Variants in LIPC observed in about 807,000 individuals in gnomAD.
LIPC encodes hepatic triacylglycerol lipase.
Under a neutral mutation model 50.7 loss-of-function variants are expected in LIPC, and 44 were observed. The ratio of observed to expected loss-of-function variants is 0.87; its 90% CI spans 0.68 to 1.11. The LOEUF (loss-of-function observed/expected upper bound fraction) is 1.11. Among genes scored for constraint, LIPC ranks in the 50% most tolerant of loss-of-function variants. The pLI is 0.00. For missense variants in LIPC, 697 were observed against 648.2 expected (o/e 1.08, Z -0.82); for synonymous variants, 271 against 256.4 (o/e 1.06, Z -0.54).
At chr15:58,505,035 A>G (rs1301977097) in intron 1 of LIPC, among the ~76,000 whole-genome samples, 4 of 152,246 alleles carry the variant, frequency 2.6e-5, no homozygotes, top group African/African-American at 9.6e-5. Flanking sequence ...AAGCTGGAGG[A>G]ACCACCAAGG....
chr15:58,476,368 C>CATTTA (rs1275152311), intron 1 of LIPC, among the ~76,000 whole-genome samples: 3 of 152,228 alleles, frequency 2.0e-5, no homozygotes, highest in Admixed American at 1.3e-4. Context: ...TCTAATATCA[C>CATTTA]ATTTAACACA....
chr15:58,542,702 C>A, intron 4 of LIPC, 51 bp downstream of exon 4: 1 of 1,186,812 alleles, frequency 8.4e-7, no homozygotes, highest in East Asian at 2.3e-5. Flanking sequence ...TAGGGGCATC[C>A]AACAAGGACC....
At chr15:58,498,826 T>C (rs1420613423) in intron 1 of LIPC, 1 of 152,246 alleles carries the variant, frequency 6.6e-6, no homozygotes, top group Non-Finnish European at 1.5e-5. Context: ...CTTCAGCTTC[T>C]GTACTGAAAG....
At chr15:58,491,519 C>T (rs12903955) in intron 1 of LIPC, among the ~76,000 whole-genome samples, 14,194 of 152,224 alleles carry the variant, frequency 0.093, 786 homozygotes, top group Non-Finnish European at 0.13. Flanking sequence ...TAAACCAACC[C>T]TCTCCACCCT....
At chr15:58,529,008 G>C (rs1323547499) in intron 1 of LIPC, among the ~76,000 whole-genome samples, 1 of 152,134 alleles carries the variant, frequency 6.6e-6, no homozygotes, top group Non-Finnish European at 1.5e-5. Flanking sequence ...TAGATCCCTT[G>C]ACTGTGATGT....
intron 7 of LIPC, 132 bp from the exon 8 acceptor site, chr15:58,563,373 G>C (rs1028216814): frequency 1.3e-5 from 10 of 743,952 alleles, no homozygotes; most frequent in African/African-American, 5.2e-5. Context: ...ATAGTCTGTT[G>C]AACACTAGTT....
At chr15:58,496,238 G>T (rs1278992407) in intron 1 of LIPC, among the ~76,000 whole-genome samples, 1 of 152,100 alleles carries the variant, frequency 6.6e-6, no homozygotes, top group African/African-American at 2.4e-5. Flanking sequence ...AGAAGCCAGG[G>T]GTGCTGTTAA....
chr15:58,469,482 G>A (rs1448053362), intron 1 of LIPC, among the ~76,000 whole-genome samples: 1 of 152,208 alleles, frequency 6.6e-6, no homozygotes, highest in Non-Finnish European at 1.5e-5. Flanking sequence ...AAGCCATAGT[G>A]ATGCTTTCTG....
chr15:58,486,530 T>C (rs181185106), intron 1 of LIPC, among the ~76,000 whole-genome samples: 1 of 152,312 alleles, frequency 6.6e-6, no homozygotes, highest in Non-Finnish European at 1.5e-5. Flanking sequence ...TGTTCATCAC[T>C]GTATTCTCAA....
Position 58,560,890 on chromosome 15 carries a change from T to G in LIPC, c.1078T>G (p.Phe360Val), listed in dbSNP as rs776792209. 3.6e-6 allele frequency: 5 copies of G among 1,379,470 alleles called. No individual in the cohort carries two copies. The highest frequency in any genetic ancestry group is 5.2e-6 in the Non-Finnish European group (5 of 965,076). 85.5% of individuals were successfully genotyped at this position (1,379,470 alleles called of 1,614,324 possible). A position where few individuals can be genotyped will look rare whatever the true frequency, so the allele number is the denominator to read the frequency against. The change falls in exon 7 of 9, where the codon TTC becomes GTC. Residue 360 changes from phenylalanine to valine, a missense_variant. By Grantham distance (50) the Phe-to-Val change is conservative. Transcript: ENST00000299022. ...TTATCATTACCAGTTCAAGATCCAG[T>G]TCATCAACCAAACTGAGACACCAAT... Reference protein sequence around the residue: ...KVYHYQFKIQFINQTETPIQT... With the variant: ...KVYHYQFKIQVINQTETPIQT...
chr15:58,517,567 G>A (rs1892523176), intron 1 of LIPC, among the ~76,000 whole-genome samples: 2 of 152,132 alleles, frequency 1.3e-5, no homozygotes, highest in Non-Finnish European at 2.9e-5. Context: ...AGAATTGCAG[G>A]GATGTTTGAA....
chr15:58,501,789 G>A (rs974229499), intron 1 of LIPC, among the ~76,000 whole-genome samples: 1 of 152,046 alleles, frequency 6.6e-6, no homozygotes, highest in African/African-American at 2.4e-5. Context: ...CCCTAACCCA[G>A]TTCATCCAGC....
At position 58,565,854 on chromosome 15, in the gene LIPC, G is replaced by A. The variant is rs1037700046; in HGVS notation, c.1388+2131G>A. On this transcript the variant is annotated intron_variant, in intron 8 of 8. Coordinates refer to ENST00000299022, the MANE Select transcript of LIPC (RefSeq NM_000236.3). ...TTATGGGAGCTATAATTTTTTTTAGGTTGTAAATACCGAGTGCCTCCTCTG... is the reference window on the plus strand; with the variant it reads ...TTATGGGAGCTATAATTTTTTTTAGATTGTAAATACCGAGTGCCTCCTCTG... 14 of 981,438 alleles carry A rather than the reference G, an allele frequency of 1.4e-5. No homozygotes were observed. The African/African-American group carries it at 2.5e-4, about 18-fold the overall frequency. 60.8% of individuals were successfully genotyped at this position (981,438 alleles called of 1,614,324 possible).
chr15:58,530,562 C>T (rs901228641), intron 1 of LIPC, among the ~76,000 whole-genome samples: 45 of 152,188 alleles, frequency 3.0e-4, no homozygotes, highest in African/African-American at 1.1e-3. Flanking sequence ...TGCAGTATTC[C>T]AACAATCATT....
chr15:58,540,661 C>T (rs1893289108), intron 2 of LIPC, among the ~76,000 whole-genome samples: 1 of 152,178 alleles, frequency 6.6e-6, no homozygotes, highest in Non-Finnish European at 1.5e-5. Flanking sequence ...CTAGCCTTCA[C>T]CTCACCAACT....
chr15:58,432,107 A>G lies in LIPC; in HGVS notation c.75A>G (p.Gln25=), dbSNP rs1248669420. ...CIFIQSSALG[Q]SLKPEPFGRR... is the part of the protein sequence containing the mutation. ...TTATCCAATCAAGTGCCCTTGGACAAAGCCTGAAACCAGGTAAGAGCCTGA... is the reference window on the plus strand; with the variant it reads ...TTATCCAATCAAGTGCCCTTGGACAGAGCCTGAAACCAGGTAAGAGCCTGA... Residue 25 remains glutamine, a synonymous_variant, in exon 1 of 9, where the codon CAA becomes CAG. Transcript: ENST00000299022. The G allele has an allele frequency of 3.1e-6, 5 of 1,613,186 alleles. No individual in the cohort carries two copies. Among genetic ancestry groups the G allele is most frequent in the Non-Finnish European group, 4.2e-6 (5 of 1,179,148 alleles).
intron 1 of LIPC, among the ~76,000 whole-genome samples, chr15:58,446,094 C>T (rs1893685593): frequency 6.6e-6 from 1 of 152,112 alleles, no homozygotes; most frequent in Non-Finnish European, 1.5e-5. Flanking sequence ...CTTGTAAAAC[C>T]AGTTGAGATA....
intron 1 of LIPC, among the ~76,000 whole-genome samples, chr15:58,509,535 G>A (rs1892268255): frequency 6.6e-6 from 1 of 152,174 alleles, no homozygotes; most frequent in Non-Finnish European, 1.5e-5. Flanking sequence ...AACCTAATAG[G>A]TGTTCAGTAA....
At chr15:58,435,433 T>G (rs1893260961) in intron 1 of LIPC, 1 of 135,144 alleles carries the variant, frequency 7.4e-6, no homozygotes, top group Non-Finnish European at 1.5e-5. Context: ...AACAGGGGGC[T>G]GCACAGCCGT....
Sources: gnomAD v4.1 joint callset for allele counts (sites outside exome capture counted in the v4.1 genomes callset) on GRCh38, gnomAD v4.1.1 for gene constraint, MANE v1.5 for transcripts, NCBI Gene and HGNC (gene_info 2026-07-23, HGNC 2026-07-21) for gene names.